GRIN2B: variants seen among roughly 807,000 people sequenced by gnomAD.
GRIN2B encodes the protein glutamate receptor ionotropic, NMDA 2B.
Under a neutral mutation model 114.5 loss-of-function variants are expected in GRIN2B, and 5 were observed. That is an observed-to-expected ratio of 0.04 (90% confidence interval 0.02 to 0.09). GRIN2B has a LOEUF of 0.09. Ranked by LOEUF, GRIN2B falls within the 10% of genes least tolerant of loss-of-function variation. The pLI is 1.00. For synonymous variants in GRIN2B, 787 were observed against 745.1 expected, an observed-to-expected ratio of 1.06 and a Z score of -0.92; for missense variants, 1,108 against 1,943.5, an observed-to-expected ratio of 0.57 and a Z score of 8.08.
chr12:13,800,053 A>T (rs1565541891), intron 3 of GRIN2B, among the ~76,000 whole-genome samples: 1 of 152,166 alleles, frequency 6.6e-6, no homozygotes, highest in Admixed American at 6.5e-5. Context: ...AATAATGGGA[A>T]CACAAAGCAG....
At chr12:13,630,198 T>C (rs1949605386) in intron 5 of GRIN2B, among the ~76,000 whole-genome samples, 1 of 152,248 alleles carries the variant, frequency 6.6e-6, no homozygotes, top group Non-Finnish European at 1.5e-5. Context: ...TGGCAGCTAA[T>C]AATAGATAAT....
intron 3 of GRIN2B, among the ~76,000 whole-genome samples, chr12:13,769,023 G>C (rs1863855833): frequency 6.6e-6 from 1 of 152,156 alleles, no homozygotes; most frequent in South Asian, 2.1e-4. Context: ...AACAGAGTAA[G>C]ACTCTGTCTC....
intron 2 of GRIN2B, among the ~76,000 whole-genome samples, chr12:13,892,813 G>T (rs1360605473): frequency 6.6e-6 from 1 of 152,166 alleles, no homozygotes; most frequent in Admixed American, 6.6e-5. Flanking sequence ...GAGAGTGAAG[G>T]TTATCTACTT....
chr12:13,712,221 G>A (rs554630716), intron 4 of GRIN2B, among the ~76,000 whole-genome samples: 1 of 143,372 alleles, frequency 7.0e-6, no homozygotes, highest in Non-Finnish European at 1.5e-5. Flanking sequence ...AAACACCGGG[G>A]CCTGTTGTAG....
At chr12:13,799,548 T>C (rs571637048) in intron 3 of GRIN2B, among the ~76,000 whole-genome samples, 49 of 152,268 alleles carry the variant, frequency 3.2e-4, no homozygotes, top group African/African-American at 1.1e-3. Context: ...CTCTTGCCCA[T>C]TGCCTTCTCC....
At chr12:13,859,294 C>T (rs1462686542) in intron 3 of GRIN2B, among the ~76,000 whole-genome samples, 1 of 152,184 alleles carries the variant, frequency 6.6e-6, no homozygotes, top group Non-Finnish European at 1.5e-5. Flanking sequence ...CAAGTGATGG[C>T]TGGTGTGTTA....
intron 3 of GRIN2B, among the ~76,000 whole-genome samples, chr12:13,817,165 T>A (rs910730489): frequency 3.9e-5 from 6 of 152,186 alleles, no homozygotes; most frequent in African/African-American, 1.4e-4. Context: ...TTTTCTAGAA[T>A]CAGAAAAGTC....
chr12:13,668,341 AT>A (rs1293218043), intron 5 of GRIN2B, among the ~76,000 whole-genome samples: 1 of 152,204 alleles, frequency 6.6e-6, no homozygotes, highest in Non-Finnish European at 1.5e-5. Flanking sequence ...TCCAAAGTCT[AT>A]TCCCCCAATA....
intron 2 of GRIN2B, among the ~76,000 whole-genome samples, chr12:13,899,040 G>C (rs1256212322): frequency 6.6e-6 from 1 of 152,176 alleles, no homozygotes; most frequent in African/African-American, 2.4e-5. Flanking sequence ...CCATTTTACA[G>C]ATGAGAAAAC....
At chr12:13,854,146 T>G (rs1024842896) in intron 3 of GRIN2B, among the ~76,000 whole-genome samples, 15 of 152,130 alleles carry the variant, frequency 9.9e-5, no homozygotes, top group Non-Finnish European at 2.1e-4. Context: ...CTAGAGGAGA[T>G]GTACCACTTG....
chr12:13,699,880 C>A (rs1172847461), intron 4 of GRIN2B, among the ~76,000 whole-genome samples: 3 of 65,794 alleles, frequency 4.6e-5, no homozygotes, highest in African/African-American at 1.5e-4. Flanking sequence ...AGCCACCGCA[C>A]CCAGCCTTTT....
rs904714450 is a variant in GRIN2B, at chr12:13,573,173, C to T, written c.2011-1209G>A. On this transcript the variant is annotated intron_variant, in intron 10 of 13. Transcript: ENST00000609686. ...TAATGCATAAGAAGTGCTTGGCGGT[C>T]GGGCACGGTGGCTCACGCCTGTAAT... Among the ~76,000 whole-genome samples the T allele has an allele frequency of 2.0e-5, 3 of 149,318 alleles. 1 individual carries two copies. Among genetic ancestry groups the T allele is most frequent in the Non-Finnish European group, 4.5e-5 (3 of 67,074 alleles).
chr12:13,853,424 C>T (rs1473217760), intron 3 of GRIN2B, among the ~76,000 whole-genome samples: 1 of 152,190 alleles, frequency 6.6e-6, no homozygotes, highest in Non-Finnish European at 1.5e-5. Flanking sequence ...TGACAATTAG[C>T]ATATAATATG....
chr12:13,695,428 T>A lies in GRIN2B; in HGVS notation c.1011-19569A>T, dbSNP rs191101307. Among the ~76,000 whole-genome samples, 11 of 152,242 alleles carry A rather than the reference T, an allele frequency of 7.2e-5. No individual in the cohort carries two copies. The East Asian group carries it at 1.9e-3, about 27-fold the overall frequency. Reference sequence around the variant, plus strand: ...GAGAAGTAAGAACATAAGAAGCTGGTGGGGAGCAAGCTTCAGGCTTCACCA... The same window carrying A: ...GAGAAGTAAGAACATAAGAAGCTGGAGGGGAGCAAGCTTCAGGCTTCACCA... On this transcript the variant is annotated intron_variant, in intron 4 of 13. Transcript: ENST00000609686.
intron 4 of GRIN2B, among the ~76,000 whole-genome samples, chr12:13,679,920 A>G (rs1270416577): frequency 1.3e-5 from 2 of 152,192 alleles, no homozygotes; most frequent in Non-Finnish European, 2.9e-5. Context: ...CAAATGAAAG[A>G]GTGGATAGGA....
chr12:13,633,967 T>C (rs1316598542), intron 5 of GRIN2B, among the ~76,000 whole-genome samples: 5 of 151,928 alleles, frequency 3.3e-5, no homozygotes, highest in Admixed American at 3.3e-4. Flanking sequence ...AGATAATCCA[T>C]TTATGGATAA....
intron 3 of GRIN2B, among the ~76,000 whole-genome samples, chr12:13,851,695 T>C (rs956507741): frequency 1.3e-5 from 2 of 152,210 alleles, no homozygotes; most frequent in Non-Finnish European, 2.9e-5. Context: ...TTTCTCTCTT[T>C]CTTGCTATTT....
chr12:13,667,114 G>T (rs1461417553), intron 5 of GRIN2B, among the ~76,000 whole-genome samples: 1 of 152,124 alleles, frequency 6.6e-6, no homozygotes, highest in African/African-American at 2.4e-5. Context: ...GGGAACGTGA[G>T]TCTGAATTTT....
Position 13,540,213 on chromosome 12 carries a change from G to C in GRIN2B, c.*22570C>G, listed in dbSNP as rs1565441163. The C allele has an allele frequency of 6.6e-6, 1 of 151,942 alleles. No individual in the cohort carries two copies. The highest frequency in any genetic ancestry group is 2.4e-5 in the African/African-American group (1 of 41,384). The allele number at this position is 151,942 out of a possible 1,614,324, so 9.4% of individuals were successfully genotyped here. Reference sequence around the variant, plus strand: ...ACAGTAAAGAAAGCACAAAGACCAAGAAAAAAACTCTGATTCTGGATTTTT... The same window carrying C: ...ACAGTAAAGAAAGCACAAAGACCAACAAAAAAACTCTGATTCTGGATTTTT... On this transcript the variant is annotated 3_prime_UTR_variant, in exon 14 of 14. Transcript: ENST00000609686.
Sources: gnomAD v4.1 joint callset for allele counts (sites outside exome capture counted in the v4.1 genomes callset) on GRCh38, gnomAD v4.1.1 for gene constraint, MANE v1.5 for transcripts, NCBI Gene and HGNC (gene_info 2026-07-23, HGNC 2026-07-21) for gene names.